Variants in CBFA2T2 observed in about 807,000 individuals in gnomAD.
CBFA2T2 encodes the protein CBFA2/RUNX1 partner transcriptional co-repressor 2.
CBFA2T2 carries 11 observed loss-of-function variants against 62.2 expected under a neutral mutation model. The observed-to-expected ratio is 0.18, with a 90% CI of 0.11 to 0.29. The LOEUF is 0.29. CBFA2T2 is among the 10% of genes least tolerant of loss of function. The pLI, the probability that CBFA2T2 is intolerant of heterozygous loss-of-function variation, is 1.00. For synonymous variants in CBFA2T2, 295 were observed against 287.5 expected, an observed-to-expected ratio of 1.03 and a Z score of -0.27; for missense variants, 592 against 774.1, an observed-to-expected ratio of 0.76 and a Z score of 2.79.
chr20:33,534,878 TCACAGATCAC>T (rs2012163571), intron 1 of CBFA2T2, among the ~76,000 whole-genome samples: 1 of 150,046 alleles, frequency 6.7e-6, no homozygotes, highest in Non-Finnish European at 1.5e-5. Context: ...AGATCACTGA[TCACAGATCAC>T]CATAACAGAT....
intron 7 of CBFA2T2, 131 bp from the exon 8 acceptor site, chr20:33,629,585 TTAA>T: frequency 1.2e-6 from 1 of 824,124 alleles, no homozygotes; most frequent in Non-Finnish European, 1.9e-6. Flanking sequence ...AATAAAGGTT[TTAA>T]ATGTAAACTT....
intron 2 of CBFA2T2, among the ~76,000 whole-genome samples, chr20:33,608,041 T>C (rs945454017): frequency 9.2e-5 from 14 of 152,250 alleles, no homozygotes; most frequent in Admixed American, 3.9e-4. Flanking sequence ...ACAATGCTGG[T>C]TGGAGTGTAA....
At chr20:33,561,127 C>G (rs1391519123) in intron 1 of CBFA2T2, among the ~76,000 whole-genome samples, 1 of 152,166 alleles carries the variant, frequency 6.6e-6, no homozygotes, top group Non-Finnish European at 1.5e-5. Context: ...CCGCTTGCCT[C>G]GGCCTCCAAA....
chr20:33,507,737 C>A (rs2011428689), intron 1 of CBFA2T2, among the ~76,000 whole-genome samples: 1 of 152,110 alleles, frequency 6.6e-6, no homozygotes. Context: ...GGACATTTAC[C>A]TTTCAATCCT....
intron 1 of CBFA2T2, among the ~76,000 whole-genome samples, chr20:33,595,245 T>G (rs931852046): frequency 1.3e-5 from 2 of 152,170 alleles, no homozygotes; most frequent in Admixed American, 6.5e-5. Context: ...GGAGTCTCAC[T>G]TTGTTGCCCA....
rs1292840385 is a variant in CBFA2T2 at position 33,625,008 on chromosome 20, C to T, written c.937C>T (p.His313Tyr). 6.2e-7 allele frequency: 1 copy of T among 1,612,916 alleles called. No homozygotes were observed. The highest frequency in any genetic ancestry group is 8.5e-7 in the Non-Finnish European group (1 of 1,179,066). The change falls in exon 6 of 11, where the codon CAC (histidine) becomes TAC (tyrosine). Residue 313 changes from histidine to tyrosine, a missense_variant. His to Tyr is a moderately conservative substitution (Grantham distance 83). Transcript: ENST00000342704. ...GCATCGAGAAGTTCGTGATAGACAC[C>T]ACAGTCTTGGTAAGCAACCGAAGCA... ...LEHREVRDRH[H>Y]SLGLNGGYQD...
chr20:33,636,678 T>C lies in CBFA2T2; in HGVS notation c.1267T>C (p.Tyr423His). ...REFNSRPGTG[Y>H]VPVEFWKKTE... The stretch of plus-strand genomic sequence containing the variant: ...GTTCAACAGCAGGCCAGGTACAGGA[T>C]ACGTACCTGTGGAGTTTTGGAAAAA... Residue 423 changes from tyrosine (Y) to histidine (H), a missense_variant, in exon 9 of 11, where the codon TAC (tyrosine) becomes CAC (histidine). Transcript: ENST00000342704. 1 of 1,613,658 alleles carries C rather than the reference T, an allele frequency of 6.2e-7. No homozygotes were observed. Among genetic ancestry groups the C allele is most frequent in the African/African-American group, 1.3e-5 (1 of 75,038 alleles).
At chr20:33,556,040 T>A (rs796483462) in intron 1 of CBFA2T2, among the ~76,000 whole-genome samples, 5 of 152,368 alleles carry the variant, frequency 3.3e-5, no homozygotes, top group African/African-American at 1.2e-4. Flanking sequence ...TAATTTTTTT[T>A]ACTTTTTGTA....
At chr20:33,557,004 C>CTTTTTTTTTTTTTTTTT (rs751836572) in intron 1 of CBFA2T2, among the ~76,000 whole-genome samples, 2 of 46,212 alleles carry the variant, frequency 4.3e-5, no homozygotes, top group African/African-American at 1.9e-4. Context: ...GCATGCTTAT[C>CTTTTTTTTTTTTTTTTT]TTTTTTTTTT....
chr20:33,595,410 C>T (rs536672849), intron 1 of CBFA2T2, among the ~76,000 whole-genome samples: 1 of 152,224 alleles, frequency 6.6e-6, no homozygotes, highest in Admixed American at 6.5e-5. Flanking sequence ...CGGGGTTTCA[C>T]CACGTTGGCC....
At chr20:33,498,473 G>A (rs915717463) in intron 1 of CBFA2T2, among the ~76,000 whole-genome samples, 1 of 151,680 alleles carries the variant, frequency 6.6e-6, no homozygotes, top group Non-Finnish European at 1.5e-5. Context: ...GGCTGGTCTC[G>A]AACTCCTGAC....
intron 1 of CBFA2T2, among the ~76,000 whole-genome samples, chr20:33,517,282 T>G (rs1242835308): frequency 6.6e-6 from 1 of 152,188 alleles, no homozygotes; most frequent in Non-Finnish European, 1.5e-5. Context: ...AAGTCCTTTC[T>G]GTTATTCATG....
At chr20:33,547,500 T>G (rs1182999792) in intron 1 of CBFA2T2, among the ~76,000 whole-genome samples, 1 of 152,070 alleles carries the variant, frequency 6.6e-6, no homozygotes. Flanking sequence ...TCTAGGAGTT[T>G]GAGACCCCAT....
intron 1 of CBFA2T2, among the ~76,000 whole-genome samples, chr20:33,589,080 T>C (rs2014502905): frequency 6.6e-6 from 1 of 152,090 alleles, no homozygotes; most frequent in Admixed American, 6.6e-5. Context: ...AAAAAGCAAG[T>C]TTGTGGTAAG....
chr20:33,598,293 G>T lies in CBFA2T2; in HGVS notation c.35-8663G>T, dbSNP rs564136768. 1.5e-3 allele frequency among the ~76,000 whole-genome samples: 236 copies of T among 152,278 alleles called. 1 individual carries two copies. The highest frequency in any genetic ancestry group is 5.6e-3 in the African/African-American group (231 of 41,552). Reference sequence around the variant, plus strand: ...TAATAAGCCTGGGAGCACTATGGGAGACTGGGGTCTATTTCACCCCTGCAG... The same window carrying T: ...TAATAAGCCTGGGAGCACTATGGGATACTGGGGTCTATTTCACCCCTGCAG... On this transcript the variant is annotated intron_variant, in intron 1 of 10. Coordinates refer to ENST00000342704, the MANE Select transcript of CBFA2T2 (RefSeq NM_001032999.3).
chr20:33,622,323 A>G (rs1178267758), intron 4 of CBFA2T2, among the ~76,000 whole-genome samples: 1 of 152,176 alleles, frequency 6.6e-6, no homozygotes, highest in Non-Finnish European at 1.5e-5. Context: ...CATGTATTAA[A>G]ACTCTCCTTT....
At chr20:33,529,713 A>G (rs184487930) in intron 1 of CBFA2T2, among the ~76,000 whole-genome samples, 49 of 148,698 alleles carry the variant, frequency 3.3e-4, no homozygotes, top group African/African-American at 1.1e-3. Flanking sequence ...GATTACTTCT[A>G]GTGTCTTGTA....
Position 33,611,234 on chromosome 20 carries a change from C to G in CBFA2T2, c.319C>G (p.Leu107Val). 1 of 1,614,194 alleles carries G rather than the reference C, an allele frequency of 6.2e-7. No homozygotes were observed. Residue 107 changes from leucine (L) to valine (V), a missense_variant, in exon 3 of 11, where the codon CTC becomes GTC. By Grantham distance (32) the Leu-to-Val change is conservative (BLOSUM62 1). Around this residue, in one of 3 missense-constraint regions of CBFA2T2, gnomAD observed 449 missense variants for 551.2 expected, o/e 0.81. Transcript: ENST00000342704. ...QLPATCGARQ[L>V]SKLKRFLTTL... Reference sequence around the variant, plus strand: ...GCCAGCCACTTGTGGTGCTCGACAACTCAGCAAGTTGAAACGCTTTCTTAC... The same window carrying G: ...GCCAGCCACTTGTGGTGCTCGACAAGTCAGCAAGTTGAAACGCTTTCTTAC...
intron 8 of CBFA2T2, among the ~76,000 whole-genome samples, chr20:33,633,400 A>G (rs1295949790): frequency 6.6e-6 from 1 of 152,010 alleles, no homozygotes; most frequent in Non-Finnish European, 1.5e-5. Flanking sequence ...AAATAAATAA[A>G]TAAAAGTCTT....
Sources: allele counts gnomAD v4.1 joint callset (sites outside exome capture counted in the v4.1 genomes callset), GRCh38; gene constraint gnomAD v4.1.1; regional missense constraint gnomAD v4.1.1; transcripts MANE v1.5; gene names NCBI Gene and HGNC (gene_info 2026-07-23, HGNC 2026-07-21).